The following C19orf38 variants were observed in gnomAD, a reference collection of about 807,000 sequenced individuals.
The protein encoded by C19orf38 is chromosome 19 open reading frame 38.
C19orf38 carries 14 observed loss-of-function variants against 26.6 expected under a neutral mutation model. That is an observed-to-expected ratio of 0.53 (90% CI 0.35 to 0.82). The LOEUF (loss-of-function observed/expected upper bound fraction) is 0.82. C19orf38 is among the 40% of genes least tolerant of loss of function. The pLI, the probability that C19orf38 is intolerant of heterozygous loss-of-function variation, is 0.01. For missense variants in C19orf38, 261 were observed against 299.5 expected (o/e 0.87, Z 0.95); for synonymous variants, 132 against 128.5 (o/e 1.03, Z -0.18).
At position 10,857,219 on chromosome 19, in the gene C19orf38, G is replaced by A. The variant is rs575661927; in HGVS notation, c.433+862G>A. ...CCCAAAATGCTGGAATTACAGGCAT[G>A]TGCCACCATGCCCAGCCAAATTATG... On this transcript the variant is annotated intron_variant, in intron 3 of 6. Transcript: ENST00000397820. Among the ~76,000 whole-genome samples, 335 of 150,882 alleles carry A rather than the reference G, an allele frequency of 2.2e-3. 2 individuals are homozygous for A. Among genetic ancestry groups the A allele is most frequent in the African/African-American group, 6.7e-3 (276 of 41,074 alleles).
intron 3 of C19orf38, among the ~76,000 whole-genome samples, chr19:10,856,833 G>C (rs1019808347): frequency 6.6e-6 from 1 of 151,988 alleles, no homozygotes. Flanking sequence ...GACTCAGTCT[G>C]TCACCCAGGC....
intron 3 of C19orf38, among the ~76,000 whole-genome samples, chr19:10,857,822 A>G (rs1228784757): frequency 6.6e-6 from 1 of 151,528 alleles, no homozygotes; most frequent in Non-Finnish European, 1.5e-5. Context: ...CAGAGGTTGC[A>G]GTGAGTCAAG....
upstream of C19orf38, among the ~76,000 whole-genome samples, chr19:10,843,981 T>C (rs1193265973): frequency 6.6e-6 from 1 of 151,374 alleles, no homozygotes; most frequent in Non-Finnish European, 1.5e-5. Context: ...GCCGTAGTGG[T>C]GCATGCCTGT....
intron 6 of C19orf38, among the ~76,000 whole-genome samples, chr19:10,866,661 T>A (rs918485462): frequency 7.2e-5 from 11 of 151,886 alleles, no homozygotes; most frequent in Non-Finnish European, 1.6e-4. Flanking sequence ...AAAGTTTTTT[T>A]TTTTGGAGAC....
At chr19:10,869,168 C>G (rs565617831) in intron 6 of C19orf38, 50 bp from the exon 7 acceptor site, 6 of 1,548,314 alleles carry the variant, frequency 3.9e-6, no homozygotes, top group Middle Eastern at 1.7e-4. Context: ...AACCCTAGAT[C>G]CTGAAACCCC....
chr19:10,842,210 T>G (rs1389482596), intron 1 of C19orf38: 3 of 1,407,376 alleles, frequency 2.1e-6, no homozygotes, highest in Middle Eastern at 1.9e-4. Flanking sequence ...ATGAAAACTT[T>G]CAGTGATGAC....
At chr19:10,867,748 C>T (rs905233231) in intron 6 of C19orf38, among the ~76,000 whole-genome samples, 1 of 148,448 alleles carries the variant, frequency 6.7e-6, no homozygotes, top group Non-Finnish European at 1.5e-5. Context: ...TGCCTCCCAG[C>T]CTCCAGCGAT....
At chr19:10,859,376 ATATATATAT>A (rs1384026366) in intron 4 of C19orf38, among the ~76,000 whole-genome samples, 5 of 42,282 alleles carry the variant, frequency 1.2e-4, no homozygotes, top group African/African-American at 4.8e-4. Context: ...ATATATATAT[ATATATATAT>A]TTTTTTTTTT....
At chr19:10,858,827 C>T (rs2073658338) in intron 4 of C19orf38, among the ~76,000 whole-genome samples, 1 of 152,116 alleles carries the variant, frequency 6.6e-6, no homozygotes, top group Non-Finnish European at 1.5e-5. Flanking sequence ...CAGTTTCTCT[C>T]CTCCGAGAGT....
At chr19:10,846,643 CTTCACTAA>C (rs1469560846), upstream of C19orf38, among the ~76,000 whole-genome samples, 1 of 152,104 alleles carries the variant, frequency 6.6e-6, no homozygotes, top group Admixed American at 6.6e-5. Flanking sequence ...GACAAGGAGA[CTTCACTAA>C]TTTATGTGTC....
intron 3 of C19orf38, 46 bp from the exon 4 acceptor site, chr19:10,858,270 A>C (rs1180798398): frequency 4.2e-6 from 6 of 1,437,666 alleles, no homozygotes; most frequent in South Asian, 1.3e-5. Flanking sequence ...TGCCGGATAC[A>C]ATTAGGACCA....
chr19:10,857,357 TA>T (rs1568336499), intron 3 of C19orf38, among the ~76,000 whole-genome samples: 20 of 85,548 alleles, frequency 2.3e-4, no homozygotes, highest in African/African-American at 1.3e-3. Flanking sequence ...TATATATATA[TA>T]TATATATATT....
chr19:10,857,366 A>ATATATTTTTTTTTT (rs1433358051), intron 3 of C19orf38, among the ~76,000 whole-genome samples: 4 of 56,104 alleles, frequency 7.1e-5, no homozygotes, highest in African/African-American at 5.2e-4. Context: ...ATATATATAT[A>ATATATTTTTTTTTT]TTTTTTTTTT....
rs1014527600 is a variant in C19orf38, at chr19:10,851,989, A to C, written c.340+1422A>C. Among the ~76,000 whole-genome samples, 9 of 151,312 alleles carry C rather than the reference A, an allele frequency of 5.9e-5. No homozygotes were observed. In the East Asian group the frequency reaches 1.8e-3, roughly 30 times the overall value. On this transcript the variant is annotated intron_variant, in intron 2 of 6. Transcript: ENST00000397820. ...GACTCCGTCTCAAAAAAAAAAAAAA[A>C]AAAAATACAAAAAATAGCTGGGTGT...
chr19:10,857,775 G>A (rs2146264205), intron 3 of C19orf38, among the ~76,000 whole-genome samples: 1 of 151,720 alleles, frequency 6.6e-6, no homozygotes, highest in South Asian at 2.1e-4. Flanking sequence ...CAGCTACATG[G>A]GAGGGTGAGG....
chr19:10,839,057 C>T (rs939009309), intron 1 of C19orf38, among the ~76,000 whole-genome samples: 1 of 152,016 alleles, frequency 6.6e-6, no homozygotes, highest in African/African-American at 2.4e-5. Flanking sequence ...AGGTGCCTGC[C>T]ACCACGCCCA....
intron 3 of C19orf38, among the ~76,000 whole-genome samples, chr19:10,856,729 C>G (rs1375988662): frequency 1.3e-5 from 2 of 151,922 alleles, no homozygotes; most frequent in Non-Finnish European, 2.9e-5. Context: ...GTCTGGAACT[C>G]CTGACCTCAG....
chr19:10,847,057 A>G (rs11880504), upstream of C19orf38, among the ~76,000 whole-genome samples: 10,977 of 152,216 alleles, frequency 0.072, 415 homozygotes, highest in Middle Eastern at 0.096. Flanking sequence ...TGATGACCAC[A>G]TGCCACATCC....
chr19:10,862,290 G>C (rs1436493330), intron 5 of C19orf38, among the ~76,000 whole-genome samples: 1 of 135,428 alleles, frequency 7.4e-6, no homozygotes, highest in Non-Finnish European at 1.6e-5. Flanking sequence ...CTGCAGCCTC[G>C]ACCTCCTAGG....
Sources: gnomAD v4.1 joint callset for allele counts (sites outside exome capture counted in the v4.1 genomes callset) on GRCh38, gnomAD v4.1.1 for gene constraint, MANE v1.5 for transcripts, NCBI Gene and HGNC (gene_info 2026-07-23, HGNC 2026-07-21) for gene names.